The following EZR variants were observed in gnomAD, a reference collection of about 807,000 sequenced individuals.
EZR encodes the protein ezrin.
Under a neutral mutation model 74.8 loss-of-function variants are expected in EZR, and 40 were observed. The ratio of observed to expected loss-of-function variants is 0.53; its 90% CI spans 0.42 to 0.70. EZR has a LOEUF of 0.70. Among genes scored for constraint, EZR ranks in the 30% least tolerant of loss-of-function variants. The pLI is 0.00. For missense variants in EZR, 678 were observed against 755.8 expected, an observed-to-expected ratio of 0.90 and a Z score of 1.21; for synonymous variants, 341 against 283.3, an observed-to-expected ratio of 1.20 and a Z score of -2.05.
chr6:158,778,936 A>C (rs1791353639), intron 7 of EZR, among the ~76,000 whole-genome samples: 2 of 152,346 alleles, frequency 1.3e-5, no homozygotes, highest in African/African-American at 4.8e-5. Context: ...AGTTTTTAAA[A>C]ATCACAATTT....
rs55954930 is a variant in EZR, at chr6:158,765,915, G to GCAAA, written c.*995_*998dup. On this transcript the variant is annotated 3_prime_UTR_variant, in exon 14 of 14. Transcript: ENST00000367075. The stretch of plus-strand genomic sequence containing the variant: ...GCCAAGGCCATGGCAGAGAGAGACT[G>GCAAA]CAAACAAACAAACACAAGCAAACAG... 4 of 151,642 alleles carry GCAAA rather than the reference G, an allele frequency of 2.6e-5. No homozygotes were observed. Among genetic ancestry groups the GCAAA allele is most frequent in the South Asian group, 2.1e-4 (1 of 4,820 alleles). 9.4% of individuals were successfully genotyped at this position (151,642 alleles called of 1,614,324 possible). A position where few individuals can be genotyped will look rare whatever the true frequency, so the allele number is the denominator to read the frequency against.
chr6:158,768,643 G>A (rs1790995256), intron 12 of EZR, among the ~76,000 whole-genome samples: 1 of 152,152 alleles, frequency 6.6e-6, no homozygotes, highest in African/African-American at 2.4e-5. Context: ...TTCCTGGAGG[G>A]CACAGGGGAT....
intron 8 of EZR, among the ~76,000 whole-genome samples, chr6:158,772,706 T>C (rs1352234155): frequency 6.6e-6 from 1 of 152,206 alleles, no homozygotes. Context: ...TGAAAAGTTA[T>C]TTTTCAGTGA....
chr6:158,766,754 T>TC lies in EZR; in HGVS notation c.*159dup. The TC allele has an allele frequency of 1.3e-6, 1 of 747,806 alleles. No individual in the cohort carries two copies. Among genetic ancestry groups the TC allele is most frequent in the East Asian group, 2.5e-5 (1 of 40,218 alleles). 46.3% of individuals were successfully genotyped at this position (747,806 alleles called of 1,614,324 possible). On this transcript the variant is annotated 3_prime_UTR_variant, in exon 14 of 14. Coordinates refer to ENST00000367075, the MANE Select transcript of EZR (RefSeq NM_001111077.2). The stretch of plus-strand genomic sequence containing the variant: ...ACTGGGGAAAACAAACCAGGGCGCC[T>TC]CCCTGGTTCCCAGCCCAGAATGTTT...
chr6:158,774,358 C>T (rs1469269868), intron 8 of EZR, among the ~76,000 whole-genome samples: 1 of 152,114 alleles, frequency 6.6e-6, no homozygotes, highest in Admixed American at 6.5e-5. Flanking sequence ...ATCTTCTGAT[C>T]CGGCTTAGTT....
intron 3 of EZR, 42 bp downstream of exon 3, chr6:158,789,243 GTTT>G: frequency 7.0e-7 from 1 of 1,435,876 alleles, no homozygotes; most frequent in Non-Finnish European, 9.7e-7. Context: ...TTGCAAAACA[GTTT>G]TTTTTTGTAG....
At chr6:158,794,137 C>T (rs191269854) in intron 2 of EZR, among the ~76,000 whole-genome samples, 2 of 152,268 alleles carry the variant, frequency 1.3e-5, no homozygotes, top group East Asian at 1.9e-4. Context: ...ATTAGCCGGG[C>T]GTGGTACCAC....
intron 4 of EZR, among the ~76,000 whole-genome samples, chr6:158,785,945 A>C (rs1172923143): frequency 6.6e-6 from 1 of 152,140 alleles, no homozygotes; most frequent in Admixed American, 6.5e-5. Flanking sequence ...CCAGTTACTC[A>C]AGAAGCTGAG....
rs113808628 is a variant in EZR at position 158,804,170 on chromosome 6, G to C, written c.12+13912C>G. 4.0e-3 allele frequency among the ~76,000 whole-genome samples: 608 copies of C among 151,934 alleles called. 2 individuals carry two copies. Among genetic ancestry groups the C allele is most frequent in the African/African-American group, 0.014 (578 of 41,316 alleles). On this transcript the variant is annotated intron_variant, in intron 2 of 13. Coordinates refer to ENST00000367075, the MANE Select transcript of EZR (RefSeq NM_001111077.2). ...GCTAGTTTTTAAGGCCCTTTTTGGT[G>C]AGTGTCTCTAATTAAGAACCAACTT...
At chr6:158,777,808 C>A (rs1376574706) in intron 7 of EZR, among the ~76,000 whole-genome samples, 1 of 152,072 alleles carries the variant, frequency 6.6e-6, no homozygotes, top group East Asian at 1.9e-4. Flanking sequence ...GGTGTGCCTG[C>A]AGGAATGATG....
intron 10 of EZR, 84 bp downstream of exon 10, chr6:158,770,680 G>A (rs2128565902): frequency 6.6e-7 from 1 of 1,522,230 alleles, no homozygotes; most frequent in Non-Finnish European, 9.0e-7. Context: ...TTTCCTTCCT[G>A]GTGAGTGGGT....
chr6:158,801,122 TTTTAA>T (rs1217249231), intron 2 of EZR, among the ~76,000 whole-genome samples: 2 of 152,098 alleles, frequency 1.3e-5, no homozygotes, highest in African/African-American at 2.4e-5. Context: ...AACCCTGTCT[TTTTAA>T]TTTTTTTTGA....
chr6:158,783,020 A>G (rs1791473760), intron 7 of EZR, among the ~76,000 whole-genome samples: 1 of 152,204 alleles, frequency 6.6e-6, no homozygotes, highest in Admixed American at 6.5e-5. Flanking sequence ...AACTAATGCG[A>G]GGCAATTAAG....
In EZR at chr6:158,765,847, T is replaced by G. The variant is rs1022823323; in HGVS notation, c.*1067A>C. On this transcript the variant is annotated 3_prime_UTR_variant, in exon 14 of 14. Transcript: ENST00000367075. ...AAAGCAGTGCACGAGAAGGAATGAG[T>G]GGGCGGAACCAACGGCCTCCACAAG... 10 of 152,136 alleles carry G rather than the reference T, an allele frequency of 6.6e-5. No homozygotes were observed. Among genetic ancestry groups the G allele is most frequent in the African/African-American group, 9.7e-5 (4 of 41,400 alleles). The allele number at this position is 152,136 out of a possible 1,614,324, so 9.4% of individuals were successfully genotyped here.
intron 8 of EZR, among the ~76,000 whole-genome samples, chr6:158,773,778 G>A (rs965081993): frequency 1.3e-5 from 2 of 152,226 alleles, no homozygotes; most frequent in African/African-American, 2.4e-5. Flanking sequence ...GAGCGGAAAC[G>A]CTGCTTACTT....
At chr6:158,807,660 A>G (rs1777372280) in intron 2 of EZR, among the ~76,000 whole-genome samples, 1 of 152,200 alleles carries the variant, frequency 6.6e-6, no homozygotes, top group Non-Finnish European at 1.5e-5. Context: ...GTAAAGAATG[A>G]AAGTTAATTC....
At chr6:158,814,257 C>A (rs895204897) in intron 2 of EZR, among the ~76,000 whole-genome samples, 10 of 152,260 alleles carry the variant, frequency 6.6e-5, no homozygotes, top group Middle Eastern at 3.4e-3. Context: ...ACAGCTGTTC[C>A]TCCCTGTGGA....
intron 2 of EZR, among the ~76,000 whole-genome samples, chr6:158,800,073 T>C (rs1241069530): frequency 6.6e-6 from 1 of 152,186 alleles, no homozygotes; most frequent in Non-Finnish European, 1.5e-5. Flanking sequence ...AGAAGGGCAG[T>C]CCAGAAACCA....
At chr6:158,794,864 A>C (rs909732778) in intron 2 of EZR, among the ~76,000 whole-genome samples, 1 of 152,332 alleles carries the variant, frequency 6.6e-6, no homozygotes, top group Non-Finnish European at 1.5e-5. Context: ...TACCACTACC[A>C]AGACAAAAAG....
Sources: gnomAD v4.1 joint callset for allele counts (sites outside exome capture counted in the v4.1 genomes callset) on GRCh38, gnomAD v4.1.1 for gene constraint, MANE v1.5 for transcripts, NCBI Gene and HGNC (gene_info 2026-07-23, HGNC 2026-07-21) for gene names.